The following CYP19A1 variants were observed in gnomAD, a reference collection of about 807,000 sequenced individuals.
CYP19A1 encodes the protein aromatase.
Under a neutral mutation model 44.4 loss-of-function variants are expected in CYP19A1, and 32 were observed. The ratio of observed to expected loss-of-function variants is 0.72; its 90% CI spans 0.54 to 0.97. The LOEUF (loss-of-function observed/expected upper bound fraction) is 0.97, where lower values mean the gene tolerates loss of function less well. Among genes scored for constraint, CYP19A1 ranks in the 50% least tolerant of loss-of-function variants. The pLI, the probability that CYP19A1 is intolerant of heterozygous loss-of-function variation, is 0.00. For synonymous variants in CYP19A1, 212 were observed against 215.6 expected, an observed-to-expected ratio of 0.98 and a Z score of 0.14; for missense variants, 598 against 637.8, an observed-to-expected ratio of 0.94 and a Z score of 0.67.
intron 1 of CYP19A1, among the ~76,000 whole-genome samples, chr15:51,275,825 T>C (rs2035287712): frequency 6.6e-6 from 1 of 152,144 alleles, no homozygotes; most frequent in South Asian, 2.1e-4. Flanking sequence ...TCCGTTCAGG[T>C]AGTAAAGTGT....
chr15:51,237,114 A>C, intron 2 of CYP19A1, 105 bp from the exon 3 acceptor site: 2 of 1,237,470 alleles, frequency 1.6e-6, no homozygotes, highest in South Asian at 2.6e-5. Context: ...TGTTCTTTAC[A>C]TGTGATGTAT....
At chr15:51,294,961 A>G (rs2140993871) in intron 1 of CYP19A1, among the ~76,000 whole-genome samples, 1 of 151,182 alleles carries the variant, frequency 6.6e-6, no homozygotes, top group Non-Finnish European at 1.5e-5. Context: ...GAGACTTTTC[A>G]TTTTGTTCTG....
Position 51,246,858 on chromosome 15 carries a change from C to T in CYP19A1, c.-38-3908G>A, listed in dbSNP as rs527298419. On this transcript the variant is annotated intron_variant, in intron 1 of 9. Transcript: ENST00000396402. ...GGGCTGGGTGCCAAGCTTGCACTCC[C>T]TCTTATTCTCTCCAGCAAACCTGGC... Among the ~76,000 whole-genome samples, 6 of 152,322 alleles carry T rather than the reference C, an allele frequency of 3.9e-5. No individual in the cohort carries two copies. In the East Asian group the frequency reaches 9.6e-4, roughly 24 times the overall value.
intron 1 of CYP19A1, among the ~76,000 whole-genome samples, chr15:51,317,227 G>A (rs553392724): frequency 1.1e-4 from 16 of 151,350 alleles, no homozygotes; most frequent in Middle Eastern, 3.4e-3. Flanking sequence ...TCAGCCTCCC[G>A]AGTAGCTGGG....
chr15:51,215,011 A>G, intron 8 of CYP19A1, 59 bp downstream of exon 8: 2 of 1,559,676 alleles, frequency 1.3e-6, no homozygotes, highest in Non-Finnish European at 1.7e-6. Context: ...AGGACATAAG[A>G]AATGGACATT....
chr15:51,283,286 T>TTC (rs1222480799), intron 1 of CYP19A1, among the ~76,000 whole-genome samples: 3 of 152,206 alleles, frequency 2.0e-5, no homozygotes, highest in African/African-American at 7.2e-5. Context: ...TGGCCACCTC[T>TTC]TCTCTCTCCC....
intron 4 of CYP19A1, among the ~76,000 whole-genome samples, chr15:51,224,080 A>G (rs900749232): frequency 6.6e-6 from 1 of 152,348 alleles, no homozygotes; most frequent in Non-Finnish European, 1.5e-5. Context: ...TTGGGCAACA[A>G]TCAGCAAATA....
chr15:51,221,028 G>A (rs2032032465), intron 5 of CYP19A1, among the ~76,000 whole-genome samples: 1 of 151,212 alleles, frequency 6.6e-6, no homozygotes, highest in African/African-American at 2.4e-5. Context: ...GGTTTTTAGG[G>A]TATATTCACT....
At chr15:51,321,265 G>A (rs773017895) in intron 1 of CYP19A1, among the ~76,000 whole-genome samples, 2 of 152,092 alleles carry the variant, frequency 1.3e-5, no homozygotes, top group Non-Finnish European at 2.9e-5. Flanking sequence ...CATCACTGAT[G>A]GACCCTGTGA....
intron 4 of CYP19A1, among the ~76,000 whole-genome samples, chr15:51,224,686 C>T (rs2032422841): frequency 6.6e-6 from 1 of 152,204 alleles, no homozygotes; most frequent in Non-Finnish European, 1.5e-5. Flanking sequence ...CTCTCTGCTA[C>T]CAGAGGGATT....
intron 5 of CYP19A1, 64 bp from the exon 6 acceptor site, chr15:51,218,719 G>T: frequency 6.4e-7 from 1 of 1,557,426 alleles, no homozygotes; most frequent in Non-Finnish European, 8.7e-7. Flanking sequence ...AGCCTAAGAA[G>T]GTTGCTCTGA....
chr15:51,249,812 G>T (rs541718451), intron 1 of CYP19A1, among the ~76,000 whole-genome samples: 45 of 152,250 alleles, frequency 3.0e-4, no homozygotes, highest in African/African-American at 1.1e-3. Flanking sequence ...TCCAGGGAAG[G>T]TCACTTGTCA....
intron 5 of CYP19A1, 90 bp downstream of exon 5, chr15:51,222,259 G>T: frequency 6.2e-7 from 1 of 1,603,880 alleles, no homozygotes; most frequent in South Asian, 1.1e-5. Context: ...TGTAGAAAAT[G>T]GCATGTGATT....
chr15:51,240,066 G>A (rs1422319899), intron 2 of CYP19A1, among the ~76,000 whole-genome samples: 13 of 8,766 alleles, frequency 1.5e-3, no homozygotes, highest in African/African-American at 5.5e-3. Flanking sequence ...CCCCTCCCCC[G>A]GCCACTCCCC....
intron 1 of CYP19A1, among the ~76,000 whole-genome samples, chr15:51,260,441 A>T (rs1299976033): frequency 6.6e-6 from 1 of 152,230 alleles, no homozygotes; most frequent in Admixed American, 6.5e-5. Context: ...GCCCACACAG[A>T]TAGCTTGGAA....
chr15:51,330,586 G>T (rs1313961617), intron 1 of CYP19A1, among the ~76,000 whole-genome samples: 10 of 152,192 alleles, frequency 6.6e-5, no homozygotes, highest in Non-Finnish European at 1.0e-4. Flanking sequence ...CAGGGTTTGG[G>T]TATGTGGTGG....
At chr15:51,292,776 T>TGGGGGAA (rs2035877035) in intron 1 of CYP19A1, among the ~76,000 whole-genome samples, 1 of 151,252 alleles carries the variant, frequency 6.6e-6, no homozygotes, top group Non-Finnish European at 1.5e-5. Flanking sequence ...ACATTTACAC[T>TGGGGGAA]GGGGGAAGGT....
chr15:51,287,557 G>C (rs1323617474), intron 1 of CYP19A1, among the ~76,000 whole-genome samples: 6 of 152,218 alleles, frequency 3.9e-5, no homozygotes, highest in Admixed American at 3.9e-4. Context: ...CTGTGCAGAA[G>C]GCAGCCTCTC....
chr15:51,222,061 A>G, intron 5 of CYP19A1: 1 of 574,644 alleles, frequency 1.7e-6, no homozygotes, highest in East Asian at 2.8e-5. Flanking sequence ...TAATAACCAA[A>G]CGAACTAATC....
Sources: gnomAD v4.1 joint callset for allele counts (sites outside exome capture counted in the v4.1 genomes callset) on GRCh38, gnomAD v4.1.1 for gene constraint, MANE v1.5 for transcripts, NCBI Gene and HGNC (gene_info 2026-07-23, HGNC 2026-07-21) for gene names.